Variants in PRKCE observed in about 807,000 individuals in gnomAD.
PRKCE encodes protein kinase C epsilon type.
Under a neutral mutation model 85.4 loss-of-function variants are expected in PRKCE, and 16 were observed. The observed-to-expected ratio is 0.19, with a 90% CI of 0.13 to 0.28. The LOEUF (loss-of-function observed/expected upper bound fraction) is 0.28. Among genes scored for constraint, PRKCE ranks in the 10% least tolerant of loss-of-function variants. The probability of loss-of-function intolerance (pLI) is 1.00; values close to 1 mark genes in which losing one functional copy is unlikely to be tolerated. For synonymous variants in PRKCE, 388 were observed against 371.5 expected (o/e 1.04, Z -0.51); for missense variants, 573 against 975.2 (o/e 0.59, Z 5.49).
intron 7 of PRKCE, among the ~76,000 whole-genome samples, chr2:46,002,201 G>C (rs551434054): frequency 1.3e-5 from 2 of 152,324 alleles, no homozygotes; most frequent in African/African-American, 2.4e-5. Context: ...CATTTCATTT[G>C]TAGGCTCTTC....
At chr2:45,791,919 G>A (rs779812498) in intron 1 of PRKCE, among the ~76,000 whole-genome samples, 5 of 152,354 alleles carry the variant, frequency 3.3e-5, no homozygotes, top group Admixed American at 6.5e-5. Flanking sequence ...TCCCTGGAAT[G>A]AGGATAATGG....
Position 46,145,520 on chromosome 2 carries a change from T to A in PRKCE, c.1731+289T>A, listed in dbSNP as rs532719851. ...TCCCATCCTAGTCCAGAACCACCAA[T>A]AAATCTAGGACCAAGAAAAACGTGT... On this transcript the variant is annotated intron_variant, in intron 12 of 14. Coordinates refer to ENST00000306156, the MANE Select transcript of PRKCE (RefSeq NM_005400.3). This position sits in a 1 kb window ranked among gnomAD's most constrained non-coding sequence, Gnocchi z 4.6. 1.3e-5 allele frequency among the ~76,000 whole-genome samples: 2 copies of A among 152,264 alleles called. No homozygotes were observed. Among genetic ancestry groups the A allele is most frequent in the East Asian group, 3.9e-4 (2 of 5,188 alleles).
chr2:45,677,946 C>T, intron 1 of PRKCE: 2 of 927,712 alleles, frequency 2.2e-6, no homozygotes, highest in Non-Finnish European at 2.6e-6. Flanking sequence ...TTTCCCTGCC[C>T]TTTTGTCTGC....
chr2:45,783,289 C>T (rs545151875), intron 1 of PRKCE, among the ~76,000 whole-genome samples: 8 of 152,302 alleles, frequency 5.3e-5, no homozygotes, highest in South Asian at 2.1e-4. Flanking sequence ...GTAAGAATGC[C>T]GGTGCTCTGG....
rs188526742 is a variant in PRKCE at position 46,051,422 on chromosome 2, G to A, written c.1438-34786G>A. Among the ~76,000 whole-genome samples the A allele has an allele frequency of 6.4e-4, 97 of 152,330 alleles. 1 individual carries two copies. The highest frequency in any genetic ancestry group is 1.1e-3 in the Non-Finnish European group (74 of 68,026). ...TGATTTTCTCACTTAAACAGATGAG[G>A]AAACTGAGGTTCAAAGAAGTTATAT... On this transcript the variant is annotated intron_variant, in intron 10 of 14. Transcript: ENST00000306156.
chr2:46,148,528 C>G (rs1302278050), intron 12 of PRKCE, among the ~76,000 whole-genome samples: 1 of 152,214 alleles, frequency 6.6e-6, no homozygotes. Context: ...TTCCGAGAAG[C>G]TGGAGGGCAG....
intron 1 of PRKCE, among the ~76,000 whole-genome samples, chr2:45,838,387 T>C (rs1488956753): frequency 6.6e-6 from 1 of 152,158 alleles, no homozygotes; most frequent in Non-Finnish European, 1.5e-5. Context: ...TGTTTTTTCA[T>C]CAGAAAAGTA....
intron 2 of PRKCE, chr2:45,851,874 G>A (rs1217911918): frequency 6.6e-6 from 1 of 152,182 alleles, no homozygotes; most frequent in Non-Finnish European, 1.5e-5. Context: ...GATTCCCTCG[G>A]GCTATGCCTG....
intron 10 of PRKCE, among the ~76,000 whole-genome samples, chr2:46,058,537 C>T (rs1666818511): frequency 6.6e-6 from 1 of 152,214 alleles, no homozygotes; most frequent in Non-Finnish European, 1.5e-5. Context: ...AGATGAGAGT[C>T]GTTTCAAATC....
intron 1 of PRKCE, among the ~76,000 whole-genome samples, chr2:45,788,387 A>G (rs769625250): frequency 2.6e-5 from 4 of 152,228 alleles, no homozygotes; most frequent in Non-Finnish European, 4.4e-5. Context: ...TGATGTTCAC[A>G]GAGCCATTCT....
In PRKCE at chr2:45,969,592, C is replaced by T. The variant is rs116025264; in HGVS notation, c.413-6837C>T. Among the ~76,000 whole-genome samples, 1,192 of 152,220 alleles carry T rather than the reference C, an allele frequency of 7.8e-3. 21 individuals carry two copies. Among genetic ancestry groups the T allele is most frequent in the African/African-American group, 0.027 (1,131 of 41,522 alleles). On this transcript the variant is annotated intron_variant, in intron 2 of 14. Transcript: ENST00000306156. ...AAGCCGGTGGTTTCCCTCTTCTCTC[C>T]CCTTCTCCACGGCAAGCTGCAGTTC... is the stretch of plus-strand genomic sequence containing the variant.
chr2:45,669,560 G>T (rs1676060973), intron 1 of PRKCE, among the ~76,000 whole-genome samples: 1 of 152,092 alleles, frequency 6.6e-6, no homozygotes, highest in South Asian at 2.1e-4. Flanking sequence ...TGTCCCCAAG[G>T]TATAAAAAAG....
At chr2:45,784,567 A>G (rs1247305591) in intron 1 of PRKCE, among the ~76,000 whole-genome samples, 3 of 151,652 alleles carry the variant, frequency 2.0e-5, no homozygotes, top group Admixed American at 1.3e-4. Context: ...ATCTCATCCC[A>G]TTAGAGGGTT....
intron 1 of PRKCE, among the ~76,000 whole-genome samples, chr2:45,789,622 C>G (rs2105078250): frequency 6.6e-6 from 1 of 152,226 alleles, no homozygotes; most frequent in African/African-American, 2.4e-5. Context: ...CAGAGTGAGA[C>G]TGTCTCTCTG....
At chr2:45,826,948 T>C (rs529235283) in intron 1 of PRKCE, among the ~76,000 whole-genome samples, 49 of 152,358 alleles carry the variant, frequency 3.2e-4, no homozygotes, top group African/African-American at 1.1e-3. Flanking sequence ...GCTCCTAAGT[T>C]GCCTTCCTGC....
chr2:45,722,930 G>A (rs1041135176), intron 1 of PRKCE, among the ~76,000 whole-genome samples: 1 of 152,098 alleles, frequency 6.6e-6, no homozygotes, highest in Non-Finnish European at 1.5e-5. Context: ...GTGAAATCCT[G>A]TCTCTACTAA....
At chr2:46,055,324 C>T (rs1168707274) in intron 10 of PRKCE, among the ~76,000 whole-genome samples, 2 of 152,346 alleles carry the variant, frequency 1.3e-5, no homozygotes, top group South Asian at 4.1e-4. Context: ...TGCTCCCCAT[C>T]CCACAAGGGT....
At position 45,957,261 on chromosome 2, in the gene PRKCE, C is replaced by T. The variant is rs150001421; in HGVS notation, c.413-19168C>T. Among the ~76,000 whole-genome samples, 9 of 152,300 alleles carry T rather than the reference C, an allele frequency of 5.9e-5. No homozygotes were observed. The East Asian group carries it at 1.3e-3, about 23-fold the overall frequency. On this transcript the variant is annotated intron_variant, in intron 2 of 14. Transcript: ENST00000306156. ...CCACTGTTTTATAGTTTAGGTTTTA[C>T]GTTTTTGTCCATGATCTATGTTGAG...
At chr2:45,994,731 A>G (rs1704082430) in intron 6 of PRKCE, among the ~76,000 whole-genome samples, 1 of 152,218 alleles carries the variant, frequency 6.6e-6, no homozygotes, top group African/African-American at 2.4e-5. Flanking sequence ...AATTATGAAT[A>G]CAACTGCTAT....
Sources: gnomAD v4.1 joint callset for allele counts (sites outside exome capture counted in the v4.1 genomes callset) on GRCh38, gnomAD v4.1.1 for gene constraint, Gnocchi (gnomAD v3.1) non-coding constraint, MANE v1.5 for transcripts, NCBI Gene and HGNC (gene_info 2026-07-23, HGNC 2026-07-21) for gene names.